The following MYH14 variants were observed in gnomAD, a reference collection of about 807,000 sequenced individuals.
MYH14 encodes the protein myosin-14.
Under a neutral mutation model 255.5 loss-of-function variants are expected in MYH14, and 123 were observed. That is an observed-to-expected ratio of 0.48 (90% CI 0.42 to 0.56). The LOEUF (loss-of-function observed/expected upper bound fraction) is 0.56. Ranked by LOEUF, MYH14 falls within the 20% of genes least tolerant of loss-of-function variation. The pLI, the probability that MYH14 is intolerant of heterozygous loss-of-function variation, is 0.00. For synonymous variants in MYH14, 1,095 were observed against 1,161.2 expected, an observed-to-expected ratio of 0.94 and a Z score of 1.16; for missense variants, 2,423 against 2,802.3, an observed-to-expected ratio of 0.86 and a Z score of 3.06.
In MYH14 at chr19:50,252,699, G is replaced by A. The variant is rs201827463; in HGVS notation, c.1891G>A (p.Ala631Thr). ...CATGGACCCTCTGAATGACAACGTC[G>A]CAGCCTTGCTCCACCAGAGCACAGA... ...KNMDPLNDNV[A>T]ALLHQSTDRL... is the part of the protein sequence containing the mutation. Residue 631 changes from alanine to threonine, a missense_variant, in exon 16 of 43, where the codon GCA (alanine) becomes ACA (threonine). By Grantham distance (58) the Ala-to-Thr change is moderately conservative. Coordinates refer to ENST00000642316, the MANE Select transcript of MYH14 (RefSeq NM_001145809.2). This position sits in a 1 kb window ranked among gnomAD's most constrained non-coding sequence, Gnocchi z 4.2. 6.1e-5 allele frequency: 97 copies of A among 1,601,124 alleles called. No homozygotes were observed. Among genetic ancestry groups the A allele is most frequent in the East Asian group, 9.0e-5 (4 of 44,206 alleles).
chr19:50,259,160 C>T lies in MYH14; in HGVS notation c.2249C>T (p.Pro750Leu), dbSNP rs1351471281. 2.6e-6 allele frequency: 4 copies of T among 1,557,006 alleles called. No homozygotes were observed. The highest frequency in any genetic ancestry group is 1.9e-5 in the Admixed American group (1 of 51,630). ...NHEKRAGKLE[P>L]RLVLDQLRCN... ...TCTCCCCAGGCCGGGAAGCTGGAGC[C>T]ACGGCTGGTGCTGGACCAGCTTCGC... Residue 750 changes from proline (P) to leucine (L), a missense_variant, in exon 19 of 43, where the codon CCA (proline) becomes CTA (leucine). Transcript: ENST00000642316.
Position 50,210,297 on chromosome 19 carries a change from G to T in MYH14, c.-3-66G>T, listed in dbSNP as rs2032100563. 2.1e-6 allele frequency: 3 copies of T among 1,419,540 alleles called. No homozygotes were observed. In the East Asian group the frequency reaches 8.3e-5, roughly 39 times the overall value. The allele number at this position is 1,419,540 out of a possible 1,614,324, so 87.9% of individuals were successfully genotyped here. Reference sequence around the variant, plus strand: ...GAGGTGGCTGCCTGGGGAATTTGGGGTAGGGAAGGGAGGCCCGGGGGACGG... The same window carrying T: ...GAGGTGGCTGCCTGGGGAATTTGGGTTAGGGAAGGGAGGCCCGGGGGACGG... On this transcript the variant is annotated intron_variant, in intron 1 of 42. Coordinates refer to ENST00000642316, the MANE Select transcript of MYH14 (RefSeq NM_001145809.2).
rs764905663 is a variant in MYH14, at chr19:50,250,582, C to T, written c.1724C>T (p.Ser575Leu). ...TGGTTCCCGAAGGCCACAGACAAGT[C>T]GTTTGTGGAGAAGGTAGCCCAGGAG... ...ECWFPKATDKSFVEKVAQEQG... is the reference protein window; with the variant it reads ...ECWFPKATDKLFVEKVAQEQG... Residue 575 changes from serine to leucine, a missense_variant, in exon 15 of 43, where the codon TCG becomes TTG. Physicochemically the swap from Ser to Leu is moderately radical, Grantham distance 145. Transcript: ENST00000642316. The surrounding 1 kb of genome is among the most constrained non-coding windows in gnomAD (Gnocchi z 5.4). 2.5e-6 allele frequency: 4 copies of T among 1,614,032 alleles called. No individual in the cohort carries two copies. Among genetic ancestry groups the T allele is most frequent in the Admixed American group, 1.7e-5 (1 of 60,012 alleles).
rs1373066947 is a variant in MYH14, at chr19:50,210,567, G to T, written c.202G>T (p.Ala68Ser). The change falls in exon 2 of 43, where the codon GCG becomes TCG. Residue 68 changes from alanine to serine, a missense_variant. Transcript: ENST00000642316. ...TTCGGAGCTTCACGGGTTCGAGGCG[G>T]CGGCGCTGCGGGACGAAGGCGAGGA... The part of the protein sequence containing the change: ...VPSELHGFEA[A>S]ALRDEGEEEA... The T allele has an allele frequency of 1.9e-6, 3 of 1,580,296 alleles. No homozygotes were observed. The highest frequency in any genetic ancestry group is 2.6e-6 in the Non-Finnish European group (3 of 1,164,236).
chr19:50,259,381 G>A (rs558914163), intron 19 of MYH14, 116 bp downstream of exon 19: 8 of 1,360,356 alleles, frequency 5.9e-6, no homozygotes, highest in Non-Finnish European at 8.0e-6. Flanking sequence ...CGCTGGGGAA[G>A]TTGAGGCAGA....
At chr19:50,277,466 C>T (rs938939005) in intron 29 of MYH14, among the ~76,000 whole-genome samples, 2 of 151,368 alleles carry the variant, frequency 1.3e-5, no homozygotes, top group African/African-American at 4.9e-5. Context: ...ACTAGCTGGG[C>T]GTGGTGGCAC....
intron 10 of MYH14, among the ~76,000 whole-genome samples, chr19:50,238,189 G>A (rs1256227101): frequency 6.6e-6 from 1 of 152,216 alleles, no homozygotes; most frequent in Non-Finnish European, 1.5e-5. Flanking sequence ...GGCATCCGCA[G>A]GCTGGGCTTG....
chr19:50,292,217 T>C, intron 36 of MYH14, 44 bp from the exon 37 acceptor site: 2 of 1,548,390 alleles, frequency 1.3e-6, no homozygotes, highest in Non-Finnish European at 1.7e-6. Context: ...TTCCCTGTGC[T>C]GTGTGGCCAG....
chr19:50,239,016 C>CA (rs1402431847), intron 10 of MYH14, among the ~76,000 whole-genome samples: 1 of 151,520 alleles, frequency 6.6e-6, no homozygotes, highest in East Asian at 1.9e-4. Flanking sequence ...CAAAAAAAAA[C>CA]AAAAAAAATT....
Position 50,281,605 on chromosome 19 carries a change from G to C in MYH14, c.4302G>C (p.Trp1434Cys). The stretch of plus-strand genomic sequence containing the variant: ...TCTCCTCCCCTCAGCTTTCCGAGTG[G>C]CGGCGGCGCCAGGAGGAGGAGGCAG... ...LQTAQAQLSEWRRRQEEEAGA... is the reference protein window; with the variant it reads ...LQTAQAQLSECRRRQEEEAGA... Residue 1434 changes from tryptophan to cysteine, a missense_variant, in exon 33 of 43, where the codon TGG becomes TGC. Physicochemically the swap from Trp to Cys is radical, Grantham distance 215. Transcript: ENST00000642316. 6.3e-7 allele frequency: 1 copy of C among 1,588,368 alleles called. No individual in the cohort carries two copies.
Position 50,275,228 on chromosome 19 carries a change from A to G in MYH14, c.3468-763A>G, listed in dbSNP as rs1601001184. 2.0e-5 allele frequency among the ~76,000 whole-genome samples: 3 copies of G among 151,556 alleles called. No individual in the cohort carries two copies. The South Asian group carries it at 6.3e-4, about 32-fold the overall frequency. ...GGCCTGTGTGGCTCCTGAACCATTA[A>G]CCCCCAGGTCCCAGTTGGTGCTGCC... On this transcript the variant is annotated intron_variant, in intron 27 of 42. Transcript: ENST00000642316.
chr19:50,302,131 A>T (rs1358575096), intron 40 of MYH14, among the ~76,000 whole-genome samples: 1 of 150,936 alleles, frequency 6.6e-6, no homozygotes, highest in East Asian at 1.9e-4. Context: ...AAAAAAAAAA[A>T]AAAAAAGCCA....
In MYH14 at chr19:50,293,240, C is replaced by A; in HGVS notation, c.5264C>A (p.Ala1755Asp). The change falls in exon 38 of 43, where the codon GCC becomes GAC. Residue 1755 changes from alanine to aspartate, a missense_variant. Physicochemically the swap from Ala to Asp is moderately radical, Grantham distance 126. Around this residue, in one of 3 missense-constraint regions of MYH14, gnomAD observed 1,513 missense variants for 1,674.8 expected, o/e 0.90. Transcript: ENST00000642316. The surrounding 1 kb of genome is among the most constrained non-coding windows in gnomAD (Gnocchi z 4.1). Reference sequence around the variant, plus strand: ...ACCCCTCCATCATCACAGGAACTGGCCGCCTCGGACCGTGCTCGGCGGCAG... The same window carrying A: ...ACCCCTCCATCATCACAGGAACTGGACGCCTCGGACCGTGCTCGGCGGCAG... ...AEVLRLQEEL[A>D]ASDRARRQAQ... 6.2e-7 allele frequency: 1 copy of A among 1,604,076 alleles called. No individual in the cohort carries two copies. The highest frequency in any genetic ancestry group is 8.5e-7 in the Non-Finnish European group (1 of 1,175,678).
chr19:50,220,638 C>A (rs952455405), intron 3 of MYH14, among the ~76,000 whole-genome samples: 3 of 151,990 alleles, frequency 2.0e-5, no homozygotes, highest in African/African-American at 7.2e-5. Context: ...TCGCTGCAAC[C>A]TCCTCCCGGG....
At chr19:50,245,247 C>A (rs183935581) in intron 11 of MYH14, among the ~76,000 whole-genome samples, 1 of 151,872 alleles carries the variant, frequency 6.6e-6, no homozygotes, top group East Asian at 1.9e-4. Context: ...GACAAAACTT[C>A]TTCTCTACTA....
At chr19:50,302,636 C>T (rs1400623790) in intron 40 of MYH14, among the ~76,000 whole-genome samples, 2 of 151,792 alleles carry the variant, frequency 1.3e-5, no homozygotes, top group Non-Finnish European at 2.9e-5. Flanking sequence ...CACGGTGGCT[C>T]ACGCCTGTAA....
Position 50,244,331 on chromosome 19 carries a change from A to C in MYH14, c.1204A>C (p.Asn402His). Residue 402 changes from asparagine to histidine, a missense_variant, in exon 11 of 43, where the codon AAC (asparagine) becomes CAC (histidine). Physicochemically the swap from Asn to His is moderately conservative, Grantham distance 68. This residue lies in a region of MYH14 where 672 missense variants were observed against 881.8 expected (regional missense o/e 0.76). Coordinates refer to ENST00000642316, the MANE Select transcript of MYH14 (RefSeq NM_001145809.2). ...CACCGATCAAGCCACCATGCCTGAC[A>C]ACACAGGTACTGCCCCCGGCCTGCC... ...RNTDQATMPD[N>H]TAAQKLCRLL... 6.2e-7 allele frequency: 1 copy of C among 1,613,354 alleles called. No homozygotes were observed. Among genetic ancestry groups the C allele is most frequent in the South Asian group, 1.1e-5 (1 of 91,080 alleles).
chr19:50,225,520 C>T (rs2033047402), intron 6 of MYH14, 65 bp from the exon 7 acceptor site: 4 of 1,296,366 alleles, frequency 3.1e-6, no homozygotes, highest in Non-Finnish European at 4.4e-6. Flanking sequence ...ACAGCCCGAG[C>T]TGGGCTGGCC....
At chr19:50,249,903 C>G (rs1034398346) in intron 14 of MYH14, 80 bp downstream of exon 14, 7 of 1,541,698 alleles carry the variant, frequency 4.5e-6, no homozygotes, top group Middle Eastern at 1.7e-4. Flanking sequence ...GGGTCTAGCT[C>G]CTCCTCTGCT....
Sources: gnomAD v4.1 joint callset for allele counts (sites outside exome capture counted in the v4.1 genomes callset) on GRCh38, gnomAD v4.1.1 for gene constraint, gnomAD v4.1.1 regional missense constraint, Gnocchi (gnomAD v3.1) non-coding constraint, MANE v1.5 for transcripts, NCBI Gene and HGNC (gene_info 2026-07-23, HGNC 2026-07-21) for gene names.